RGS3: variants seen among roughly 807,000 people sequenced by gnomAD.
RGS3 encodes regulator of G protein signaling 3, also known as regulator of G-protein signalling 3.
RGS3 carries 80 observed loss-of-function variants against 132.6 expected under a neutral mutation model. The ratio of observed to expected loss-of-function variants is 0.60; its 90% CI spans 0.50 to 0.73. The LOEUF (loss-of-function observed/expected upper bound fraction) is 0.73. RGS3 is among the 30% of genes least tolerant of loss of function. RGS3 has a pLI of 0.00. For synonymous variants in RGS3, 598 were observed against 620.6 expected (o/e 0.96, Z 0.54); for missense variants, 1,382 against 1,530.8 (o/e 0.90, Z 1.62).
intron 18 of RGS3, chr9:113,536,484 C>T: frequency 9.5e-7 from 1 of 1,048,908 alleles, no homozygotes; most frequent in Non-Finnish European, 1.2e-6. Flanking sequence ...TTTGTGCTGC[C>T]TGCCCCTGGG....
At chr9:113,462,078 T>C in exon 3 of RGS3, 1 of 1,614,150 alleles carries the variant, frequency 6.2e-7, no homozygotes, top group Non-Finnish European at 8.5e-7. Context: ...GAGCCTGAGC[T>C]TGCCCATATT....
intron 19 of RGS3, among the ~76,000 whole-genome samples, chr9:113,547,523 CTT>C (rs1833166247): frequency 6.6e-6 from 1 of 152,200 alleles, no homozygotes; most frequent in South Asian, 2.1e-4. Flanking sequence ...ACATTGAACT[CTT>C]TTGTTTCAAC....
At chr9:113,513,544 A>G (rs1831501442) in intron 14 of RGS3, among the ~76,000 whole-genome samples, 1 of 152,150 alleles carries the variant, frequency 6.6e-6, no homozygotes, top group South Asian at 2.1e-4. Flanking sequence ...TTTATCACAC[A>G]CTTACTAGGT....
chr9:113,538,789 G>C (rs900864034), intron 19 of RGS3, among the ~76,000 whole-genome samples: 1 of 152,208 alleles, frequency 6.6e-6, no homozygotes, highest in African/African-American at 2.4e-5. Context: ...GTGCTGGACA[G>C]GAGAAGGATG....
At chr9:113,484,327 CA>C (rs775299940) in intron 6 of RGS3, 95 bp downstream of exon 4, 8,127 of 85,272 alleles carry the variant, frequency 0.095, 112 homozygotes, top group East Asian at 0.29. Context: ...TAGATCTATG[CA>C]AAAAAAAAAA....
At chr9:113,554,298 G>C (rs1276755347) in intron 19 of RGS3, among the ~76,000 whole-genome samples, 1 of 152,098 alleles carries the variant, frequency 6.6e-6, no homozygotes, top group African/African-American at 2.4e-5. Context: ...TATTAGTGAG[G>C]TTGAGATTCA....
chr9:113,548,287 A>G (rs1345819091), intron 19 of RGS3, among the ~76,000 whole-genome samples: 2 of 152,174 alleles, frequency 1.3e-5, no homozygotes, highest in African/African-American at 2.4e-5. Context: ...TCACTCAGCA[A>G]CTCACTGTGT....
chr9:113,533,097 A>G (rs1042020488), intron 18 of RGS3, among the ~76,000 whole-genome samples: 1 of 152,212 alleles, frequency 6.6e-6, no homozygotes, highest in Non-Finnish European at 1.5e-5. Flanking sequence ...CTCATTGGCG[A>G]TGAGACTCAG....
At chr9:113,541,747 T>C (rs1212311733) in intron 19 of RGS3, 1 of 1,033,356 alleles carries the variant, frequency 9.7e-7, no homozygotes, top group Non-Finnish European at 1.2e-6. Flanking sequence ...CGGACCTGCC[T>C]TGGGGGCAGC....
At chr9:113,551,901 T>A (rs895018244) in intron 19 of RGS3, among the ~76,000 whole-genome samples, 3 of 152,176 alleles carry the variant, frequency 2.0e-5, no homozygotes, top group African/African-American at 7.2e-5. Context: ...TGTAGCATTC[T>A]ACTTTCCTAC....
At chr9:113,584,145 T>G (rs1265748704) in exon 20 of RGS3, 3 of 1,614,106 alleles carry the variant, frequency 1.9e-6, no homozygotes, top group Admixed American at 1.7e-5. Flanking sequence ...GAGAGCGCAG[T>G]GAGGCCAAGC....
At chr9:113,594,056 T>G in intron 21 of RGS3, 1 of 1,612,848 alleles carries the variant, frequency 6.2e-7, no homozygotes, top group Middle Eastern at 1.6e-4. Context: ...TTTTTTCCGC[T>G]CCCCCTCCTG....
At position 113,537,697 on chromosome 9, in the gene RGS3, G is replaced by C. The variant is rs1251983097; in HGVS notation, c.2037+779G>C. 6.6e-6 allele frequency among the ~76,000 whole-genome samples: 1 copy of C among 152,218 alleles called. No individual in the cohort carries two copies. The highest frequency in any genetic ancestry group is 1.5e-5 in the Non-Finnish European group (1 of 68,038). On this transcript the variant is annotated intron_variant, in intron 19 of 24. Coordinates refer to ENST00000350696, the Ensembl canonical transcript of RGS3. This position sits in a 1 kb window ranked among gnomAD's most constrained non-coding sequence, Gnocchi z 4.3. ...GGTTGCTCTGCTGGATCTGGGCGAA[G>C]AGGAGAGATGAAAGAAAGCTGCAGC...
chr9:113,451,621 G>A (rs1829247540), intron 1 of RGS3, among the ~76,000 whole-genome samples: 1 of 151,506 alleles, frequency 6.6e-6, no homozygotes, highest in African/African-American at 2.4e-5. Context: ...TTTGCTTCTT[G>A]CAATTATCTA....
intron 19 of RGS3, among the ~76,000 whole-genome samples, chr9:113,578,468 TAAGTACCGCCTCC>T (rs1834636742): frequency 6.6e-6 from 1 of 152,152 alleles, no homozygotes; most frequent in Non-Finnish European, 1.5e-5. Flanking sequence ...CCCCCTAATG[TAAGTACCGCCTCC>T]ATCCTCCTGA....
intron 19 of RGS3, among the ~76,000 whole-genome samples, chr9:113,551,461 A>G (rs1254576617): frequency 6.6e-6 from 1 of 152,178 alleles, no homozygotes; most frequent in Admixed American, 6.5e-5. Context: ...GTATGGACAT[A>G]TATTTTTCTC....
chr9:113,497,356 C>T lies in RGS3; in HGVS notation c.793C>T (p.Arg265Trp), dbSNP rs751549571. The change falls in exon 9 of 25, where the codon CGG (arginine) becomes TGG (tryptophan). Residue 265 changes from arginine to tryptophan, a missense_variant. Physicochemically the swap from Arg to Trp is moderately radical, Grantham distance 101. Coordinates refer to ENST00000350696, the Ensembl canonical transcript of RGS3. The stretch of plus-strand genomic sequence containing the variant: ...CTACCTCCTAGGGGAGCACCTGGGC[C>T]GGACCAAGCACTTGAAGGTGGCCAG... 4 of 1,613,512 alleles carry T rather than the reference C, an allele frequency of 2.5e-6. No homozygotes were observed. The highest frequency in any genetic ancestry group is 1.3e-5 in the African/African-American group (1 of 75,010).
chr9:113,492,987 G>A (rs1186853890), intron 7 of RGS3, among the ~76,000 whole-genome samples: 1 of 152,212 alleles, frequency 6.6e-6, no homozygotes, highest in Non-Finnish European at 1.5e-5. Flanking sequence ...CTGAGCTAAT[G>A]CATTGGCCTG....
intron 19 of RGS3, among the ~76,000 whole-genome samples, chr9:113,550,577 A>G (rs996814362): frequency 2.0e-5 from 3 of 152,188 alleles, no homozygotes; most frequent in African/African-American, 7.2e-5. Flanking sequence ...TTCCCTTTTT[A>G]GCATTGAAAA....
Sources: gnomAD v4.1 joint callset for allele counts (sites outside exome capture counted in the v4.1 genomes callset) on GRCh38, gnomAD v4.1.1 for gene constraint, Gnocchi (gnomAD v3.1) non-coding constraint, MANE v1.5 for transcripts, NCBI Gene and HGNC (gene_info 2026-07-23, HGNC 2026-07-21) for gene names.